Variants in ARHGEF7 observed in about 807,000 individuals in gnomAD.
ARHGEF7 encodes PAK-interacting exchange factor beta.
A neutral mutation model predicts 109.8 loss-of-function variants in ARHGEF7; 33 were observed. That is an observed-to-expected ratio of 0.30 (90% confidence interval 0.23 to 0.40). The LOEUF (loss-of-function observed/expected upper bound fraction) is 0.40. Among genes scored for constraint, ARHGEF7 ranks in the 10% least tolerant of loss-of-function variants. ARHGEF7 has a pLI of 1.00. For missense variants in ARHGEF7, 938 were observed against 1,098.5 expected, an observed-to-expected ratio of 0.85 and a Z score of 2.07; for synonymous variants, 458 against 424.6, an observed-to-expected ratio of 1.08 and a Z score of -0.97.
At chr13:111,127,342 A>G (rs963597135) in intron 1 of ARHGEF7, among the ~76,000 whole-genome samples, 1 of 152,128 alleles carries the variant, frequency 6.6e-6, no homozygotes, top group Non-Finnish European at 1.5e-5. Context: ...AAATAACTGT[A>G]ATTTTACACA....
chr13:111,161,858 A>G (rs7331226), intron 2 of ARHGEF7, among the ~76,000 whole-genome samples: 131,276 of 152,182 alleles, frequency 0.86, 56,802 homozygotes, highest in South Asian at 0.94. Context: ...GTCTTTTCCC[A>G]TGTTAAATAA....
At chr13:111,173,056 TAA>T (rs1175384699) in intron 2 of ARHGEF7, among the ~76,000 whole-genome samples, 6 of 152,272 alleles carry the variant, frequency 3.9e-5, no homozygotes, top group Non-Finnish European at 7.3e-5. Flanking sequence ...GTATCATTAA[TAA>T]GTTACCTTTA....
At chr13:111,290,815 A>G (rs2093250310) in intron 18 of ARHGEF7, among the ~76,000 whole-genome samples, 1 of 152,214 alleles carries the variant, frequency 6.6e-6, no homozygotes, top group Non-Finnish European at 1.5e-5. Flanking sequence ...CTTTAAACCT[A>G]ACACTCAAAA....
At chr13:111,280,393 G>A (rs1221406327) in intron 14 of ARHGEF7, 43 bp downstream of exon 14, 3 of 1,595,560 alleles carry the variant, frequency 1.9e-6, no homozygotes, top group Non-Finnish European at 2.6e-6. Context: ...TCGGGGAGGA[G>A]AGGCAGCTTG....
chr13:111,141,946 C>G (rs939396172), intron 1 of ARHGEF7, among the ~76,000 whole-genome samples: 2 of 152,250 alleles, frequency 1.3e-5, no homozygotes, highest in Non-Finnish European at 2.9e-5. Context: ...TTCCCACCAG[C>G]AATGAATGCG....
At chr13:111,257,638 G>A (rs565964385) in intron 8 of ARHGEF7, among the ~76,000 whole-genome samples, 37 of 152,338 alleles carry the variant, frequency 2.4e-4, no homozygotes, top group African/African-American at 7.9e-4. Flanking sequence ...GAGTGATCAC[G>A]GTGCCTGGTT....
chr13:111,222,689 A>G (rs2084618626), intron 5 of ARHGEF7, among the ~76,000 whole-genome samples: 1 of 152,216 alleles, frequency 6.6e-6, no homozygotes, highest in Non-Finnish European at 1.5e-5. Context: ...TCAGCCTCCC[A>G]AAGTGCTGGG....
chr13:111,134,251 A>G (rs924779708), intron 1 of ARHGEF7, among the ~76,000 whole-genome samples: 4 of 152,170 alleles, frequency 2.6e-5, no homozygotes, highest in Non-Finnish European at 2.9e-5. Flanking sequence ...CGCAGTAAAC[A>G]TACGTGTGCA....
chr13:111,168,235 C>T (rs1459798569), intron 2 of ARHGEF7, among the ~76,000 whole-genome samples: 2 of 147,002 alleles, frequency 1.4e-5, no homozygotes, highest in Non-Finnish European at 3.0e-5. Context: ...GCCTCTGCCG[C>T]TCTCCCGCTT....
chr13:111,167,050 C>T (rs773917161), intron 2 of ARHGEF7, among the ~76,000 whole-genome samples: 10 of 152,178 alleles, frequency 6.6e-5, no homozygotes, highest in Admixed American at 4.6e-4. Context: ...ACTGACGTTG[C>T]TCATTTCCTG....
intron 1 of ARHGEF7, among the ~76,000 whole-genome samples, chr13:111,137,850 T>C (rs539784700): frequency 1.3e-5 from 2 of 152,268 alleles, no homozygotes; most frequent in East Asian, 1.9e-4. Flanking sequence ...GGAAGAACTA[T>C]AGCTAAATAA....
intron 3 of ARHGEF7, 27 bp downstream of exon 3, chr13:111,205,400 G>T: frequency 2.0e-6 from 3 of 1,520,842 alleles, no homozygotes; most frequent in Non-Finnish European, 2.7e-6. Flanking sequence ...TTGAACTCGA[G>T]GGGGTGGGAA....
intron 5 of ARHGEF7, among the ~76,000 whole-genome samples, chr13:111,221,167 A>G (rs9522161): frequency 0.35 from 21,837 of 63,064 alleles, 3,221 homozygotes; most frequent in South Asian, 0.46. Context: ...ATGTCTATAT[A>G]TATCTATATA....
chr13:111,122,171 C>T (rs2067241706), intron 1 of ARHGEF7, among the ~76,000 whole-genome samples: 1 of 152,228 alleles, frequency 6.6e-6, no homozygotes. Flanking sequence ...CCAGGGCCCT[C>T]TGGTCAGCGC....
chr13:111,188,607 G>C (rs560105873), intron 2 of ARHGEF7, among the ~76,000 whole-genome samples: 1 of 151,878 alleles, frequency 6.6e-6, no homozygotes, highest in Non-Finnish European at 1.5e-5. Flanking sequence ...GGAGATTTCT[G>C]TAAAACAGCA....
chr13:111,241,093 A>G, intron 6 of ARHGEF7: 1 of 1,474,016 alleles, frequency 6.8e-7, no homozygotes, highest in South Asian at 1.4e-5. Context: ...GAGTGGCACC[A>G]GTGTTTGACT....
intron 18 of ARHGEF7, among the ~76,000 whole-genome samples, chr13:111,291,141 G>A (rs2093264542): frequency 6.6e-6 from 1 of 152,210 alleles, no homozygotes; most frequent in African/African-American, 2.4e-5. Flanking sequence ...GCAGGAGTAG[G>A]GAGGGGCCAG....
intron 5 of ARHGEF7, among the ~76,000 whole-genome samples, chr13:111,231,631 G>A (rs954016869): frequency 6.6e-6 from 1 of 152,146 alleles, no homozygotes; most frequent in Non-Finnish European, 1.5e-5. Context: ...GTTGACGTTA[G>A]GGACCTGAAG....
In ARHGEF7 at chr13:111,285,935, T is replaced by C. The variant is rs1306188017; in HGVS notation, c.1951-212T>C. 2.0e-5 allele frequency among the ~76,000 whole-genome samples: 3 copies of C among 151,898 alleles called. No individual in the cohort carries two copies. In the South Asian group the frequency reaches 6.2e-4, roughly 32 times the overall value. On this transcript the variant is annotated intron_variant, in intron 16 of 21. Coordinates refer to ENST00000646102, the MANE Select transcript of ARHGEF7 (RefSeq NM_001354046.2). ...TTTATTAGAATTAAAAAAAAAAAAT[T>C]AGCCAATGACTAATACTGAAAATGC...
Sources: allele counts gnomAD v4.1 joint callset (sites outside exome capture counted in the v4.1 genomes callset), GRCh38; gene constraint gnomAD v4.1.1; transcripts MANE v1.5; gene names NCBI Gene and HGNC (gene_info 2026-07-23, HGNC 2026-07-21).